The following WWP1 variants were observed in gnomAD, a reference collection of about 807,000 sequenced individuals.
The protein encoded by WWP1 is WW domain containing E3 ubiquitin protein ligase 1, also known as NEDD4-like E3 ubiquitin-protein ligase WWP1.
A neutral mutation model predicts 130.6 loss-of-function variants in WWP1; 49 were observed. The ratio of observed to expected loss-of-function variants is 0.38; its 90% CI spans 0.30 to 0.48. The LOEUF is 0.48. Ranked by LOEUF, WWP1 falls within the 20% of genes least tolerant of loss-of-function variation. The probability of loss-of-function intolerance (pLI) is 0.99; values close to 1 mark genes in which losing one functional copy is unlikely to be tolerated. For synonymous variants in WWP1, 332 were observed against 367.8 expected (o/e 0.90, Z 1.11); for missense variants, 809 against 1,100.6 (o/e 0.74, Z 3.75).
intron 24 of WWP1, among the ~76,000 whole-genome samples, chr8:86,465,539 G>C (rs1812033784): frequency 6.6e-6 from 1 of 152,108 alleles, no homozygotes; most frequent in East Asian, 1.9e-4. Flanking sequence ...GGTGGGAGGA[G>C]GGAGGATTGC....
chr8:86,359,554 A>C (rs1823444566), intron 1 of WWP1, among the ~76,000 whole-genome samples: 1 of 152,022 alleles, frequency 6.6e-6, no homozygotes, highest in Admixed American at 6.6e-5. Context: ...GACATTAGGT[A>C]ACATTTCCTT....
intron 1 of WWP1, among the ~76,000 whole-genome samples, chr8:86,350,603 C>T (rs921090314): frequency 3.3e-5 from 5 of 152,082 alleles, no homozygotes; most frequent in African/African-American, 7.2e-5. Context: ...AAGAAGGGCA[C>T]GGATAGAGTT....
chr8:86,421,393 T>C (rs1211828137), intron 9 of WWP1, among the ~76,000 whole-genome samples: 1 of 152,202 alleles, frequency 6.6e-6, no homozygotes, highest in Non-Finnish European at 1.5e-5. Flanking sequence ...TGTATGTGTT[T>C]ATGGGTGCAA....
chr8:86,420,540 C>A (rs1417807066), intron 9 of WWP1, among the ~76,000 whole-genome samples: 1 of 151,526 alleles, frequency 6.6e-6, no homozygotes, highest in East Asian at 1.9e-4. Flanking sequence ...AGGAAAGAGA[C>A]CTGCAGCTTC....
chr8:86,374,187 C>A, intron 3 of WWP1, 67 bp downstream of exon 3: 3 of 1,255,172 alleles, frequency 2.4e-6, no homozygotes, highest in South Asian at 1.3e-5. Context: ...CCTAATTCAG[C>A]AGACTTATTC....
intron 5 of WWP1, among the ~76,000 whole-genome samples, chr8:86,386,429 A>G (rs1825291025): frequency 8.4e-6 from 1 of 118,666 alleles, no homozygotes; most frequent in African/African-American, 3.3e-5. Flanking sequence ...TTCCACTCAT[A>G]TAGCAGGCTG....
At position 86,392,028 on chromosome 8, in the gene WWP1, G is replaced by T. The variant is rs188881245; in HGVS notation, c.335-6314G>T. Reference sequence around the variant, plus strand: ...TTACAACAGACAATAAATTCTTTTGGCAGCCTTAAGTTTTCTCAGGCAGGT... The same window carrying T: ...TTACAACAGACAATAAATTCTTTTGTCAGCCTTAAGTTTTCTCAGGCAGGT... On this transcript the variant is annotated intron_variant, in intron 5 of 24. Transcript: ENST00000517970. Among the ~76,000 whole-genome samples, 353 of 152,270 alleles carry T rather than the reference G, an allele frequency of 2.3e-3. 2 individuals are homozygous for T. The highest frequency in any genetic ancestry group is 8.1e-3 in the African/African-American group (335 of 41,560).
In WWP1 at chr8:86,427,699, G is replaced by C; in HGVS notation, c.1214G>C (p.Arg405Thr). 1 of 1,613,906 alleles carries C rather than the reference G, an allele frequency of 6.2e-7. No individual in the cohort carries two copies. Among genetic ancestry groups the C allele is most frequent in the Non-Finnish European group, 8.5e-7 (1 of 1,179,914 alleles). ...GTTTATTATGTGGATCATAACACCAGAACAACAACGTGGCAGCGGCCTACC... is the reference window on the plus strand; with the variant it reads ...GTTTATTATGTGGATCATAACACCACAACAACAACGTGGCAGCGGCCTACC... Reference protein sequence around the residue: ...RRVYYVDHNTRTTTWQRPTME... With the variant: ...RRVYYVDHNTTTTTWQRPTME... The change falls in exon 11 of 25, where the codon AGA becomes ACA. Residue 405 changes from arginine to threonine, a missense_variant. Arg to Thr is a moderately conservative substitution (Grantham distance 71). This residue lies in a region of WWP1 where 450 missense variants were observed against 674.2 expected (regional missense o/e 0.67). Transcript: ENST00000517970.
rs575546739 is a variant in WWP1, at chr8:86,351,365, C to T, written c.-115+8435C>T. On this transcript the variant is annotated intron_variant, in intron 1 of 24. Transcript: ENST00000517970. ...CAGCTTTTTTTTGAGACAGGGTCTC[C>T]GACAGCTCTGTCTCCCAGGCTAGAG... 4.6e-5 allele frequency among the ~76,000 whole-genome samples: 7 copies of T among 152,168 alleles called. No homozygotes were observed. The South Asian group carries it at 8.3e-4, about 18-fold the overall frequency.
intron 14 of WWP1, among the ~76,000 whole-genome samples, chr8:86,432,083 T>C (rs1469224320): frequency 6.6e-6 from 1 of 152,208 alleles, no homozygotes; most frequent in African/African-American, 2.4e-5. Context: ...TGCAAAGTTA[T>C]AAGGCAAGTA....
chr8:86,454,982 CTGT>C (rs982128847), intron 21 of WWP1, among the ~76,000 whole-genome samples: 2 of 152,032 alleles, frequency 1.3e-5, no homozygotes, highest in African/African-American at 4.8e-5. Flanking sequence ...TACACCTAAT[CTGT>C]TGTTCTTTCT....
rs1055921322 is a variant in WWP1, at chr8:86,442,907, C to CT, written c.1998+130dup. ...AAGTTTTGTTACCAAGAAAGTTTCC[C>CT]TGGAGAGTGTAAAAATATATTTTTT... On this transcript the variant is annotated intron_variant, in intron 18 of 24. Transcript: ENST00000517970. The CT allele has an allele frequency of 5.4e-6, 5 of 925,088 alleles. No homozygotes were observed. In the African/African-American group the frequency reaches 8.5e-5, roughly 16 times the overall value. The allele number at this position is 925,088 out of a possible 1,614,324, so 57.3% of individuals were successfully genotyped here.
intron 5 of WWP1, among the ~76,000 whole-genome samples, chr8:86,386,083 T>C (rs984315047): frequency 6.6e-6 from 1 of 152,192 alleles, no homozygotes; most frequent in Non-Finnish European, 1.5e-5. Context: ...ATTTCCTGCT[T>C]ACATCTTCAT....
At position 86,431,451 on chromosome 8, in the gene WWP1, A is replaced by C; in HGVS notation, c.1433A>C (p.Asn478Thr). ...GACAGGGTTTACTTTGTGAATCATA[A>C]CACAAAAACAACCCAGTGGGAAGAT... ...STDRVYFVNH[N>T]TKTTQWEDPR... Residue 478 changes from asparagine to threonine, a missense_variant, in exon 13 of 25, where the codon AAC (asparagine) becomes ACC (threonine). By Grantham distance (65) the Asn-to-Thr change is moderately conservative. Around this residue, in one of 3 missense-constraint regions of WWP1, gnomAD observed 450 missense variants for 674.2 expected, o/e 0.67. Coordinates refer to ENST00000517970, the MANE Select transcript of WWP1 (RefSeq NM_007013.4). 1 of 1,611,276 alleles carries C rather than the reference A, an allele frequency of 6.2e-7. No homozygotes were observed.
At chr8:86,392,680 C>G (rs899593745) in intron 5 of WWP1, among the ~76,000 whole-genome samples, 2 of 152,050 alleles carry the variant, frequency 1.3e-5, no homozygotes, top group African/African-American at 4.8e-5. Flanking sequence ...TCTCTTTAGC[C>G]TTATTAACTG....
At chr8:86,372,693 C>T (rs900947108) in intron 2 of WWP1, among the ~76,000 whole-genome samples, 19 of 152,222 alleles carry the variant, frequency 1.2e-4, no homozygotes, top group Middle Eastern at 3.4e-3. Flanking sequence ...TCTCATGGAT[C>T]TGCATTGCTA....
intron 18 of WWP1, among the ~76,000 whole-genome samples, chr8:86,443,221 C>T (rs1810685862): frequency 6.6e-6 from 1 of 151,976 alleles, no homozygotes; most frequent in Non-Finnish European, 1.5e-5. Context: ...TACAGGCTCA[C>T]ACCACCATGC....
At chr8:86,442,500 G>A (rs1810644086) in intron 17 of WWP1, 119 bp from the exon 18 acceptor site, 2 of 931,092 alleles carry the variant, frequency 2.1e-6, no homozygotes, top group Non-Finnish European at 1.5e-6. Context: ...AAAGAATTGG[G>A]CAGTGGAGTT....
chr8:86,358,556 A>C (rs1586250518), intron 1 of WWP1, among the ~76,000 whole-genome samples: 1 of 150,326 alleles, frequency 6.7e-6, no homozygotes. Flanking sequence ...GTCACAACTC[A>C]CCACTGCCTC....
Sources: allele counts gnomAD v4.1 joint callset (sites outside exome capture counted in the v4.1 genomes callset), GRCh38; gene constraint gnomAD v4.1.1; regional missense constraint gnomAD v4.1.1; transcripts MANE v1.5; gene names NCBI Gene and HGNC (gene_info 2026-07-23, HGNC 2026-07-21).